The following CDK14 variants were observed in gnomAD, a reference collection of about 807,000 sequenced individuals.
The protein encoded by CDK14 is cyclin dependent kinase 14.
In CDK14, 34 loss-of-function variants were observed where a neutral mutation model predicts 60.7. That is an observed-to-expected ratio of 0.56 (90% CI 0.43 to 0.75). The LOEUF (loss-of-function observed/expected upper bound fraction) is 0.75, where lower values mean the gene tolerates loss of function less well. CDK14 is among the 30% of genes least tolerant of loss of function. CDK14 has a pLI of 0.00. For missense variants in CDK14, 482 were observed against 564.1 expected (o/e 0.85, Z 1.47); for synonymous variants, 197 against 203.7 (o/e 0.97, Z 0.28).
chr7:90,967,768 G>A (rs1409887843), intron 9 of CDK14, among the ~76,000 whole-genome samples: 1 of 152,154 alleles, frequency 6.6e-6, no homozygotes, highest in Non-Finnish European at 1.5e-5. Context: ...GTTAAAACCA[G>A]CAAAAGTAGT....
chr7:91,126,492 G>A (rs546944341), intron 14 of CDK14, among the ~76,000 whole-genome samples: 3 of 152,250 alleles, frequency 2.0e-5, no homozygotes, highest in Non-Finnish European at 2.9e-5. Flanking sequence ...CACACTTAAC[G>A]AGCTTATAGC....
chr7:90,990,591 A>G (rs1284710332), intron 10 of CDK14, among the ~76,000 whole-genome samples: 1 of 152,182 alleles, frequency 6.6e-6, no homozygotes, highest in Admixed American at 6.5e-5. Flanking sequence ...GAAAAAAATC[A>G]CCACTGAGAT....
chr7:90,887,507 A>C (rs1791983431), intron 6 of CDK14, among the ~76,000 whole-genome samples: 1 of 152,184 alleles, frequency 6.6e-6, no homozygotes, highest in Admixed American at 6.5e-5. Context: ...TGTGTATAAT[A>C]TACATCTAGC....
At chr7:90,957,757 C>T (rs936167778) in intron 9 of CDK14, among the ~76,000 whole-genome samples, 29 of 151,970 alleles carry the variant, frequency 1.9e-4, no homozygotes, top group African/African-American at 5.8e-4. Flanking sequence ...GAATCAATAT[C>T]GTGAAAATGG....
chr7:91,087,813 C>CT (rs200149353), intron 12 of CDK14, among the ~76,000 whole-genome samples: 2,649 of 147,238 alleles, frequency 0.018, 127 homozygotes, highest in Admixed American at 0.11. Flanking sequence ...GTCACCAAAA[C>CT]TTTTTTTTTT....
At chr7:91,095,378 A>G (rs1238531012) in intron 12 of CDK14, among the ~76,000 whole-genome samples, 1 of 152,256 alleles carries the variant, frequency 6.6e-6, no homozygotes, top group Non-Finnish European at 1.5e-5. Flanking sequence ...AGCAGAGGCC[A>G]GCCAAGGAAT....
intron 11 of CDK14, among the ~76,000 whole-genome samples, chr7:91,076,101 AG>A (rs1179227325): frequency 6.6e-6 from 1 of 151,812 alleles, no homozygotes; most frequent in African/African-American, 2.4e-5. Flanking sequence ...CATTCCTCAC[AG>A]AATTAGAAAA....
intron 11 of CDK14, among the ~76,000 whole-genome samples, chr7:91,071,130 AAAT>A (rs1462814988): frequency 6.6e-6 from 1 of 152,244 alleles, no homozygotes; most frequent in Admixed American, 6.5e-5. Flanking sequence ...TTTGTTAAAA[AAAT>A]AATAATAAGT....
chr7:90,620,021 G>A (rs775626687), intron 2 of CDK14, among the ~76,000 whole-genome samples: 3 of 152,044 alleles, frequency 2.0e-5, no homozygotes, highest in Non-Finnish European at 4.4e-5. Context: ...CAAATACAGA[G>A]AGATATGACT....
rs185885548 is a variant in CDK14 at position 90,661,857 on chromosome 7, C to T, written c.123+57608C>T. ...TACAGCAAGGCTGGCTCAATTCATACGGTGCCCTACCCATGTAGCAAGGGT... is the reference window on the plus strand; with the variant it reads ...TACAGCAAGGCTGGCTCAATTCATATGGTGCCCTACCCATGTAGCAAGGGT... On this transcript the variant is annotated intron_variant, in intron 2 of 14. Coordinates refer to ENST00000380050, the MANE Select transcript of CDK14 (RefSeq NM_001287135.2). 1.8e-4 allele frequency among the ~76,000 whole-genome samples: 24 copies of T among 136,544 alleles called. 1 individual carries two copies. The highest frequency in any genetic ancestry group is 3.4e-4 in the Non-Finnish European group (22 of 63,784). 89.6% of individuals were successfully genotyped at this position (136,544 alleles called of 152,430 possible).
chr7:91,011,376 T>C (rs1370299387), intron 10 of CDK14, among the ~76,000 whole-genome samples: 4 of 152,174 alleles, frequency 2.6e-5, no homozygotes, highest in Admixed American at 2.0e-4. Flanking sequence ...TTTAAAGATA[T>C]TCTCTTTATC....
chr7:90,642,393 C>T (rs192294705), intron 2 of CDK14, among the ~76,000 whole-genome samples: 2 of 152,110 alleles, frequency 1.3e-5, no homozygotes, highest in East Asian at 3.9e-4. Flanking sequence ...CTCATTTTCC[C>T]CCTATATAAG....
intron 2 of CDK14, among the ~76,000 whole-genome samples, chr7:90,646,594 G>T (rs1179648912): frequency 2.0e-5 from 3 of 152,094 alleles, no homozygotes; most frequent in African/African-American, 7.2e-5. Context: ...AGATAACTAT[G>T]AACAGCATTT....
intron 2 of CDK14, among the ~76,000 whole-genome samples, chr7:90,655,205 G>A (rs1800727081): frequency 6.6e-6 from 1 of 152,194 alleles, no homozygotes; most frequent in South Asian, 2.1e-4. Context: ...TTGTATGGAT[G>A]TACCATAGTT....
At chr7:90,976,921 G>A (rs1182328371) in intron 9 of CDK14, among the ~76,000 whole-genome samples, 2 of 152,116 alleles carry the variant, frequency 1.3e-5, no homozygotes, top group Admixed American at 1.3e-4. Flanking sequence ...CATCTGTACA[G>A]AAGCTTTTAG....
chr7:91,163,152 G>T (rs1801221157), intron 14 of CDK14, among the ~76,000 whole-genome samples: 1 of 152,226 alleles, frequency 6.6e-6, no homozygotes, highest in Non-Finnish European at 1.5e-5. Context: ...TAAATGTGTT[G>T]TACAAGCTTG....
chr7:90,874,543 A>C (rs1307662286), intron 6 of CDK14, among the ~76,000 whole-genome samples: 1 of 47,954 alleles, frequency 2.1e-5, no homozygotes, highest in Admixed American at 4.1e-4. Flanking sequence ...TTTTTTTGAG[A>C]CGGAGTCTCG....
intron 6 of CDK14, among the ~76,000 whole-genome samples, chr7:90,881,915 C>T (rs73222773): frequency 0.019 from 2,879 of 152,204 alleles, 43 homozygotes; most frequent in South Asian, 0.046. Context: ...CCACGCGTGC[C>T]CTGCAAGAGC....
chr7:91,194,008 T>A (rs1460507233), intron 14 of CDK14, among the ~76,000 whole-genome samples: 1 of 152,176 alleles, frequency 6.6e-6, no homozygotes, highest in Non-Finnish European at 1.5e-5. Context: ...TATGTCTTAT[T>A]TGAATCGCCA....
Sources: gnomAD v4.1 joint callset for allele counts (sites outside exome capture counted in the v4.1 genomes callset) on GRCh38, gnomAD v4.1.1 for gene constraint, MANE v1.5 for transcripts, NCBI Gene and HGNC (gene_info 2026-07-23, HGNC 2026-07-21) for gene names.